Variants in MSRA observed in about 807,000 individuals in gnomAD.
The protein encoded by MSRA is methionine sulfoxide reductase A, also known as mitochondrial peptide methionine sulfoxide reductase.
A neutral mutation model predicts 31.3 loss-of-function variants in MSRA; 54 were observed. The observed-to-expected ratio is 1.73, with a 90% confidence interval of 1.39 to 2.17. The LOEUF (loss-of-function observed/expected upper bound fraction) is 2.17, where lower values mean the gene tolerates loss of function less well. MSRA is among the 30% of genes most tolerant of loss of function. MSRA has a pLI of 0.00. For missense variants in MSRA, 507 were observed against 300.9 expected (o/e 1.69, Z -5.07); for synonymous variants, 169 against 116.5 (o/e 1.45, Z -2.90).
chr8:10,150,812 C>T (rs1053801616), intron 1 of MSRA, among the ~76,000 whole-genome samples: 4 of 152,186 alleles, frequency 2.6e-5, no homozygotes, highest in Admixed American at 2.6e-4. Context: ...CATGTCCCTT[C>T]CCTGCACTGC....
intron 3 of MSRA, among the ~76,000 whole-genome samples, chr8:10,271,686 A>G (rs1012566996): frequency 2.0e-5 from 3 of 151,494 alleles, no homozygotes; most frequent in East Asian, 3.9e-4. Flanking sequence ...GTAGAATTCC[A>G]TTAAATGATT....
chr8:10,282,176 C>G (rs763132024), intron 3 of MSRA, among the ~76,000 whole-genome samples: 18 of 152,262 alleles, frequency 1.2e-4, no homozygotes, highest in Non-Finnish European at 2.2e-4. Flanking sequence ...CAAAAGCCAA[C>G]AAGTTTTATA....
chr8:10,226,143 G>T (rs1407386762), intron 2 of MSRA, among the ~76,000 whole-genome samples: 2 of 152,154 alleles, frequency 1.3e-5, no homozygotes, highest in Non-Finnish European at 2.9e-5. Context: ...CATTTCTACA[G>T]CAGGTGACTG....
chr8:10,278,373 G>A (rs575768371), intron 3 of MSRA, among the ~76,000 whole-genome samples: 32 of 152,346 alleles, frequency 2.1e-4, no homozygotes, highest in African/African-American at 7.2e-4. Context: ...CAAATGTACC[G>A]TGGCTCGCAC....
chr8:10,142,993 A>C (rs531522862), intron 1 of MSRA, among the ~76,000 whole-genome samples: 1 of 152,220 alleles, frequency 6.6e-6, no homozygotes, highest in South Asian at 2.1e-4. Flanking sequence ...ATTTTGCTCC[A>C]TTTCCCCATA....
In MSRA at chr8:10,121,778, C is replaced by T. The variant is rs145188332; in HGVS notation, c.142+67120C>T. Among the ~76,000 whole-genome samples, 64 of 152,060 alleles carry T rather than the reference C, an allele frequency of 4.2e-4. 1 individual carries two copies. In the East Asian group the frequency reaches 0.012, roughly 28 times the overall value. ...TTCAGACTCCTAAGCTCAAGCGATC[C>T]TCCCACCTCAGCCTCCCAAGTAGCT... On this transcript the variant is annotated intron_variant, in intron 1 of 5. Coordinates refer to ENST00000317173, the MANE Select transcript of MSRA (RefSeq NM_012331.5).
At chr8:10,418,381 A>C (rs1808606804) in intron 5 of MSRA, among the ~76,000 whole-genome samples, 1 of 152,100 alleles carries the variant, frequency 6.6e-6, no homozygotes, top group African/African-American at 2.4e-5. Flanking sequence ...CTGTCTTGGA[A>C]ATATGCACCG....
At chr8:10,303,177 G>A (rs996450798) in intron 4 of MSRA, among the ~76,000 whole-genome samples, 2 of 152,230 alleles carry the variant, frequency 1.3e-5, no homozygotes, top group South Asian at 2.1e-4. Context: ...TAGGTGACAG[G>A]TCGGGTCTGT....
chr8:10,160,590 A>G (rs1804549310), intron 1 of MSRA, among the ~76,000 whole-genome samples: 1 of 152,098 alleles, frequency 6.6e-6, no homozygotes, highest in African/African-American at 2.4e-5. Context: ...TGAATTTAGC[A>G]GGAGGATCCT....
intron 5 of MSRA, among the ~76,000 whole-genome samples, chr8:10,369,238 C>T (rs1320530353): frequency 6.7e-6 from 1 of 149,460 alleles, no homozygotes; most frequent in Non-Finnish European, 1.5e-5. Context: ...TGCCTCCTTT[C>T]ATAGAGTTCT....
chr8:10,389,790 C>CTTTTTTT (rs55769720), intron 5 of MSRA, among the ~76,000 whole-genome samples: 11 of 123,372 alleles, frequency 8.9e-5, no homozygotes, highest in Non-Finnish European at 1.5e-4. Flanking sequence ...GAAACTTACT[C>CTTTTTTT]TTTTTTTTTT....
At chr8:10,350,348 A>C (rs1306956022) in intron 5 of MSRA, among the ~76,000 whole-genome samples, 1 of 152,252 alleles carries the variant, frequency 6.6e-6, no homozygotes, top group East Asian at 1.9e-4. Context: ...CGGCCGCTGC[A>C]TGCAGCCAGC....
rs888969107 is a variant in MSRA at position 10,369,937 on chromosome 8, C to G, written c.543+49948C>G. Among the ~76,000 whole-genome samples the G allele has an allele frequency of 3.9e-5, 6 of 152,190 alleles. No individual in the cohort carries two copies. In the East Asian group the frequency reaches 9.6e-4, roughly 24 times the overall value. ...TGGTTATGAGACCATGAGTTCATAA[C>G]TAACCACAAGTCAAGGTTCTAACAT... On this transcript the variant is annotated intron_variant, in intron 5 of 5. Transcript: ENST00000317173.
chr8:10,210,793 G>T (rs532922849), intron 2 of MSRA, among the ~76,000 whole-genome samples: 1 of 151,628 alleles, frequency 6.6e-6, no homozygotes, highest in East Asian at 1.9e-4. Flanking sequence ...GAGTGCACTG[G>T]CACGATCTGA....
chr8:10,349,694 T>C (rs770853847), intron 5 of MSRA, among the ~76,000 whole-genome samples: 20 of 152,210 alleles, frequency 1.3e-4, no homozygotes, highest in Non-Finnish European at 2.8e-4. Flanking sequence ...CGCTCCTCGA[T>C]TGGAAAGCAA....
At chr8:10,371,657 G>A (rs957569345) in intron 5 of MSRA, among the ~76,000 whole-genome samples, 5 of 152,100 alleles carry the variant, frequency 3.3e-5, no homozygotes, top group South Asian at 2.1e-4. Context: ...TCCACCTACC[G>A]CCTGTTAGCT....
At chr8:10,375,600 C>T (rs1206636660) in intron 5 of MSRA, among the ~76,000 whole-genome samples, 5 of 152,100 alleles carry the variant, frequency 3.3e-5, no homozygotes, top group Non-Finnish European at 7.4e-5. Flanking sequence ...GGGAGATGCT[C>T]GCTAAGCAGC....
At chr8:10,198,047 T>C (rs1808151330) in intron 1 of MSRA, among the ~76,000 whole-genome samples, 2 of 152,224 alleles carry the variant, frequency 1.3e-5, no homozygotes, top group South Asian at 4.1e-4. Context: ...AGAGAACACG[T>C]AGTATTTTAC....
rs114325713 is a variant in MSRA at position 10,399,743 on chromosome 8, C to T, written c.544-28405C>T. 1.9e-3 allele frequency among the ~76,000 whole-genome samples: 292 copies of T among 152,180 alleles called. 5 individuals carry two copies. Among genetic ancestry groups the T allele is most frequent in the African/African-American group, 6.1e-3 (255 of 41,522 alleles). On this transcript the variant is annotated intron_variant, in intron 5 of 5. Transcript: ENST00000317173. ...AGGAGGGTGCAATGGATGGTGGTAGCGCTACATAGGAGGGTGCAATGGACG... is the reference window on the plus strand; with the variant it reads ...AGGAGGGTGCAATGGATGGTGGTAGTGCTACATAGGAGGGTGCAATGGACG...
Sources: allele counts gnomAD v4.1 joint callset (sites outside exome capture counted in the v4.1 genomes callset), GRCh38; gene constraint gnomAD v4.1.1; transcripts MANE v1.5; gene names NCBI Gene and HGNC (gene_info 2026-07-23, HGNC 2026-07-21).